Variants in DLG2 observed in about 807,000 individuals in gnomAD.
DLG2 encodes discs large MAGUK scaffold protein 2, also known as disks large homolog 2.
A neutral mutation model predicts 132.5 loss-of-function variants in DLG2; 45 were observed. The ratio of observed to expected loss-of-function variants is 0.34; its 90% CI spans 0.27 to 0.44. The LOEUF (loss-of-function observed/expected upper bound fraction) is 0.44. Among genes scored for constraint, DLG2 ranks in the 20% least tolerant of loss-of-function variants. The pLI, the probability that DLG2 is intolerant of heterozygous loss-of-function variation, is 1.00. For missense variants in DLG2, 1,045 were observed against 1,196.9 expected, an observed-to-expected ratio of 0.87 and a Z score of 1.87; for synonymous variants, 424 against 419.6, an observed-to-expected ratio of 1.01 and a Z score of -0.13.
At chr11:84,714,647 TTCTCTCTCTCTC>T (rs754541162) in intron 6 of DLG2, among the ~76,000 whole-genome samples, 5 of 90,690 alleles carry the variant, frequency 5.5e-5, no homozygotes, top group Admixed American at 2.2e-4. Context: ...CTCTCTCTCT[TTCTCTCTCTCTC>T]TCTCTCTCTC....
chr11:84,621,219 T>G (rs1277998937), intron 6 of DLG2, among the ~76,000 whole-genome samples: 1 of 152,134 alleles, frequency 6.6e-6, no homozygotes, highest in African/African-American at 2.4e-5. Context: ...CACTCATATA[T>G]TTTAGTTATT....
intron 7 of DLG2, among the ~76,000 whole-genome samples, chr11:84,298,581 G>T (rs1170279691): frequency 6.6e-6 from 1 of 152,164 alleles, no homozygotes; most frequent in Non-Finnish European, 1.5e-5. Context: ...GGTATACTTT[G>T]TTTTCTCACA....
intron 8 of DLG2, among the ~76,000 whole-genome samples, chr11:84,177,290 C>T (rs1209403645): frequency 6.6e-6 from 1 of 152,072 alleles, no homozygotes; most frequent in African/African-American, 2.4e-5. Flanking sequence ...CATCACAAAC[C>T]CTGCCTTTCT....
intron 7 of DLG2, among the ~76,000 whole-genome samples, chr11:84,395,369 G>A (rs1649677258): frequency 1.3e-5 from 2 of 151,970 alleles, no homozygotes; most frequent in Admixed American, 6.6e-5. Context: ...GCCTTAGTGC[G>A]ACACCAACCC....
At chr11:84,362,971 C>T (rs1456325128) in intron 7 of DLG2, among the ~76,000 whole-genome samples, 4 of 151,596 alleles carry the variant, frequency 2.6e-5, no homozygotes, top group African/African-American at 7.3e-5. Context: ...AATAAACATA[C>T]ATGTGCATGT....
intron 7 of DLG2, among the ~76,000 whole-genome samples, chr11:84,533,592 G>C (rs952983249): frequency 2.6e-5 from 4 of 152,024 alleles, no homozygotes; most frequent in African/African-American, 9.7e-5. Flanking sequence ...TGAAACGTAA[G>C]GTTAAGCATA....
Position 84,735,891 on chromosome 11 carries a change from A to G in DLG2, c.358-201160T>C, listed in dbSNP as rs555029153. 1.8e-4 allele frequency among the ~76,000 whole-genome samples: 28 copies of G among 152,014 alleles called. No homozygotes were observed. The South Asian group carries it at 5.4e-3, about 29-fold the overall frequency. Reference sequence around the variant, plus strand: ...TCATTCTTATCAGTGTCTTTTGAATACCAGAAGTTTTTATTATTGATGAAT... The same window carrying G: ...TCATTCTTATCAGTGTCTTTTGAATGCCAGAAGTTTTTATTATTGATGAAT... On this transcript the variant is annotated intron_variant, in intron 6 of 27. Coordinates refer to ENST00000376104, the MANE Select transcript of DLG2 (RefSeq NM_001142699.3).
intron 11 of DLG2, among the ~76,000 whole-genome samples, chr11:84,032,845 C>T (rs990272766): frequency 2.0e-5 from 3 of 152,070 alleles, no homozygotes; most frequent in African/African-American, 7.2e-5. Flanking sequence ...TCCCCAAATC[C>T]TGGAGCCCTT....
At chr11:84,198,386 T>C (rs1454025) in intron 8 of DLG2, among the ~76,000 whole-genome samples, 110,587 of 152,034 alleles carry the variant, frequency 0.73, 42,116 homozygotes, top group Middle Eastern at 0.87. Context: ...AAAGAAGCAA[T>C]AGCTTTAGGG....
chr11:84,966,955 G>C (rs557922159), intron 6 of DLG2, among the ~76,000 whole-genome samples: 4 of 152,050 alleles, frequency 2.6e-5, no homozygotes, highest in Non-Finnish European at 4.4e-5. Context: ...AAATAGAAGC[G>C]AGAAATGGTT....
intron 7 of DLG2, among the ~76,000 whole-genome samples, chr11:84,420,724 A>G (rs979266397): frequency 2.6e-5 from 3 of 115,770 alleles, no homozygotes; most frequent in Non-Finnish European, 4.9e-5. Flanking sequence ...GCTGGAGTGC[A>G]GTGGCGGGAT....
At chr11:84,261,904 T>C (rs2097551877) in intron 7 of DLG2, among the ~76,000 whole-genome samples, 1 of 152,214 alleles carries the variant, frequency 6.6e-6, no homozygotes, top group African/African-American at 2.4e-5. Context: ...CCTCTGGTGA[T>C]GAGCTCTTAT....
intron 6 of DLG2, among the ~76,000 whole-genome samples, chr11:84,547,506 A>G (rs1158031966): frequency 1.3e-5 from 2 of 152,188 alleles, no homozygotes; most frequent in Non-Finnish European, 2.9e-5. Context: ...CTAGAGATGT[A>G]ATAGTGAATA....
chr11:83,877,838 TG>T (rs1186203454), intron 15 of DLG2, among the ~76,000 whole-genome samples: 1 of 152,192 alleles, frequency 6.6e-6, no homozygotes, highest in Non-Finnish European at 1.5e-5. Context: ...GAGGGATGCT[TG>T]TAGTGGATGT....
At chr11:83,593,911 T>C (rs533795760) in intron 19 of DLG2, among the ~76,000 whole-genome samples, 2 of 152,034 alleles carry the variant, frequency 1.3e-5, no homozygotes, top group African/African-American at 4.8e-5. Context: ...TTTCTCCATA[T>C]AGCATTGAAT....
intron 6 of DLG2, among the ~76,000 whole-genome samples, chr11:84,947,092 C>T (rs943860444): frequency 2.2e-4 from 33 of 152,196 alleles, no homozygotes; most frequent in African/African-American, 8.0e-4. Context: ...CTGCCATTGC[C>T]AGGGGATGGG....
chr11:84,216,767 A>C (rs2096841126), intron 8 of DLG2, among the ~76,000 whole-genome samples: 1 of 152,214 alleles, frequency 6.6e-6, no homozygotes, highest in Non-Finnish European at 1.5e-5. Flanking sequence ...GCAACAAAGA[A>C]ATGTTATATT....
chr11:83,772,470 A>G (rs971955933), intron 18 of DLG2, among the ~76,000 whole-genome samples: 33 of 132,482 alleles, frequency 2.5e-4, no homozygotes, highest in Non-Finnish European at 1.7e-4. Context: ...GGGAGGGAGG[A>G]AGGAAGGAAG....
At chr11:84,468,726 T>C (rs1484680508) in intron 7 of DLG2, among the ~76,000 whole-genome samples, 1 of 151,598 alleles carries the variant, frequency 6.6e-6, no homozygotes, top group African/African-American at 2.4e-5. Flanking sequence ...AAAAATCAAA[T>C]TTACCAAGTA....
Sources: allele counts gnomAD v4.1 joint callset (sites outside exome capture counted in the v4.1 genomes callset), GRCh38; gene constraint gnomAD v4.1.1; transcripts MANE v1.5; gene names NCBI Gene and HGNC (gene_info 2026-07-23, HGNC 2026-07-21).